Variants in MANBAL observed in about 807,000 individuals in gnomAD.
MANBAL encodes protein MANBAL.
Under a neutral mutation model 6.4 loss-of-function variants are expected in MANBAL, and 1 was observed. The observed-to-expected ratio is 0.16, with a 90% confidence interval of 0.06 to 0.74. The LOEUF is 0.74. Among genes scored for constraint, MANBAL ranks in the 30% least tolerant of loss-of-function variants. The probability of loss-of-function intolerance (pLI) is 0.78; values close to 1 mark genes in which losing one functional copy is unlikely to be tolerated. For synonymous variants in MANBAL, 47 were observed against 45.8 expected, an observed-to-expected ratio of 1.03 and a Z score of -0.10; for missense variants, 100 against 107.8, an observed-to-expected ratio of 0.93 and a Z score of 0.32.
intron 2 of MANBAL, among the ~76,000 whole-genome samples, chr20:37,304,425 TAGTTAAC>T (rs1223360240): frequency 6.6e-6 from 1 of 152,238 alleles, no homozygotes; most frequent in Non-Finnish European, 1.5e-5. Flanking sequence ...CCTTCCCACA[TAGTTAAC>T]AGTTGTTATT....
chr20:37,293,471 T>A (rs1041211241), intron 1 of MANBAL, among the ~76,000 whole-genome samples: 1 of 152,166 alleles, frequency 6.6e-6, no homozygotes, highest in Non-Finnish European at 1.5e-5. Flanking sequence ...CAGACGGTAA[T>A]GTGAGTGATG....
In MANBAL at chr20:37,291,738, T is replaced by G. The variant is rs1489964969; in HGVS notation, c.-57+2052T>G. 2.0e-5 allele frequency among the ~76,000 whole-genome samples: 3 copies of G among 152,156 alleles called. No homozygotes were observed. In the East Asian group the frequency reaches 5.8e-4, roughly 29 times the overall value. ...GTGGGTCTTTCCCATGCTATTCTCC[T>G]GATAGTGAATAAGTCTCAGGAGATC... On this transcript the variant is annotated intron_variant, in intron 1 of 2. Coordinates refer to ENST00000373606, the MANE Select transcript of MANBAL (RefSeq NM_001003897.2).
chr20:37,305,903 AAG>A (rs780765474), intron 2 of MANBAL, among the ~76,000 whole-genome samples: 2 of 152,118 alleles, frequency 1.3e-5, no homozygotes, highest in Non-Finnish European at 2.9e-5. Flanking sequence ...CAGGATTACA[AAG>A]AGAGGGTGGA....
chr20:37,299,141 C>T (rs1388588363), intron 1 of MANBAL, among the ~76,000 whole-genome samples: 5 of 152,048 alleles, frequency 3.3e-5, no homozygotes, highest in Non-Finnish European at 4.4e-5. Flanking sequence ...AGTGCAGTGG[C>T]GTGATCGTGG....
At chr20:37,312,051 T>C (rs2069402254) in intron 2 of MANBAL, among the ~76,000 whole-genome samples, 1 of 152,010 alleles carries the variant, frequency 6.6e-6, no homozygotes, top group African/African-American at 2.4e-5. Context: ...GGTATCTAGC[T>C]TGGGTAACTG....
intron 1 of MANBAL, chr20:37,297,105 C>T (rs2069015564): frequency 1.3e-5 from 2 of 152,176 alleles, no homozygotes; most frequent in South Asian, 2.1e-4. Flanking sequence ...GAAATGAGGA[C>T]GCGTTCTTAA....
At chr20:37,293,941 C>T (rs181296042) in intron 1 of MANBAL, among the ~76,000 whole-genome samples, 1 of 152,172 alleles carries the variant, frequency 6.6e-6, no homozygotes, top group Non-Finnish European at 1.5e-5. Context: ...AACACCCTGA[C>T]TTCATGCGTG....
chr20:37,291,775 T>C (rs1161157813), intron 1 of MANBAL, among the ~76,000 whole-genome samples: 1 of 152,178 alleles, frequency 6.6e-6, no homozygotes, highest in Non-Finnish European at 1.5e-5. Context: ...GATGGTTTTA[T>C]AAAGGGCAGT....
intron 1 of MANBAL, among the ~76,000 whole-genome samples, chr20:37,299,642 A>T (rs1000665074): frequency 6.6e-6 from 1 of 152,140 alleles, no homozygotes; most frequent in Non-Finnish European, 1.5e-5. Context: ...CCCCTTTATC[A>T]TTGGGATGGG....
At chr20:37,313,839 C>G (rs956191903) in intron 2 of MANBAL, among the ~76,000 whole-genome samples, 3 of 152,144 alleles carry the variant, frequency 2.0e-5, no homozygotes, top group African/African-American at 7.2e-5. Context: ...TGGACAGGGC[C>G]AAACCATGGG....
intron 1 of MANBAL, among the ~76,000 whole-genome samples, chr20:37,294,104 A>C (rs1410611924): frequency 1.3e-5 from 2 of 152,326 alleles, no homozygotes; most frequent in Non-Finnish European, 2.9e-5. Context: ...TCTTTTTAAA[A>C]ATATTTGCAT....
intron 2 of MANBAL, among the ~76,000 whole-genome samples, chr20:37,309,156 C>G (rs953752894): frequency 6.6e-6 from 1 of 152,216 alleles, no homozygotes; most frequent in African/African-American, 2.4e-5. Flanking sequence ...TCATGTGTCT[C>G]TCTCTCTCCT....
intron 2 of MANBAL, among the ~76,000 whole-genome samples, chr20:37,309,095 G>A (rs1434507571): frequency 6.6e-6 from 1 of 152,182 alleles, no homozygotes; most frequent in Non-Finnish European, 1.5e-5. Context: ...TCTTGGAACT[G>A]GGAATTTCAA....
At chr20:37,293,701 C>A (rs1330268350) in intron 1 of MANBAL, among the ~76,000 whole-genome samples, 1 of 152,146 alleles carries the variant, frequency 6.6e-6, no homozygotes, top group South Asian at 2.1e-4. Context: ...TTAATTGTTC[C>A]ATTTAGCATA....
chr20:37,295,051 T>C (rs1199633032), intron 1 of MANBAL, among the ~76,000 whole-genome samples: 1 of 152,214 alleles, frequency 6.6e-6, no homozygotes, highest in Non-Finnish European at 1.5e-5. Flanking sequence ...TAAGCAAGTC[T>C]GGAGCAGGAC....
Position 37,315,648 on chromosome 20 carries a change from G to A in MANBAL, c.151-660G>A, listed in dbSNP as rs577661980. On this transcript the variant is annotated intron_variant, in intron 2 of 2. Transcript: ENST00000373606. ...CTGCTCCTGTCGCCCAGGGAGTCTG[G>A]AATTCTGCCCCGAGGCTGCCTCTGC... Among the ~76,000 whole-genome samples the A allele has an allele frequency of 7.0e-4, 107 of 152,328 alleles. 3 individuals carry two copies. The South Asian group carries it at 0.021, about 30-fold the overall frequency.
At chr20:37,299,275 C>T (rs925207543) in intron 1 of MANBAL, among the ~76,000 whole-genome samples, 10 of 151,980 alleles carry the variant, frequency 6.6e-5, no homozygotes, top group Non-Finnish European at 1.0e-4. Context: ...GATGGGGTCT[C>T]GCTGTGTTGT....
intron 2 of MANBAL, among the ~76,000 whole-genome samples, chr20:37,309,097 G>A (rs1378528421): frequency 6.6e-6 from 1 of 152,166 alleles, no homozygotes; most frequent in Admixed American, 6.5e-5. Flanking sequence ...TTGGAACTGG[G>A]AATTTCAAAG....
intron 2 of MANBAL, among the ~76,000 whole-genome samples, chr20:37,312,164 T>C (rs368060364): frequency 5.6e-4 from 85 of 152,226 alleles, no homozygotes; most frequent in African/African-American, 2.0e-3. Flanking sequence ...CTGTAATATG[T>C]ACACACACCC....
Sources: allele counts gnomAD v4.1 joint callset (sites outside exome capture counted in the v4.1 genomes callset), GRCh38; gene constraint gnomAD v4.1.1; transcripts MANE v1.5; gene names NCBI Gene and HGNC (gene_info 2026-07-23, HGNC 2026-07-21).